CUEDC1: variants seen among roughly 807,000 people sequenced by gnomAD.
CUEDC1 encodes CUE domain-containing protein 1.
A neutral mutation model predicts 43.7 loss-of-function variants in CUEDC1; 30 were observed. The observed-to-expected ratio is 0.69, with a 90% CI of 0.51 to 0.93. The LOEUF (loss-of-function observed/expected upper bound fraction) is 0.93. Ranked by LOEUF, CUEDC1 falls within the 40% of genes least tolerant of loss-of-function variation. The pLI is 0.00. For missense variants in CUEDC1, 486 were observed against 549.0 expected (o/e 0.89, Z 1.15); for synonymous variants, 223 against 223.6 (o/e 1.00, Z 0.02).
intron 1 of CUEDC1, among the ~76,000 whole-genome samples, chr17:57,931,188 T>C (rs1300479475): frequency 6.6e-6 from 1 of 151,926 alleles, no homozygotes; most frequent in African/African-American, 2.4e-5. Context: ...ACTTGGGGGC[T>C]GAAGTGTGGG....
intron 1 of CUEDC1, among the ~76,000 whole-genome samples, chr17:57,906,801 G>A (rs1442812015): frequency 2.0e-5 from 3 of 151,792 alleles, no homozygotes; most frequent in South Asian, 2.1e-4. Context: ...GTGAAACCTC[G>A]TCTCTACTAA....
chr17:57,886,605 C>T (rs1290730247), intron 1 of CUEDC1, among the ~76,000 whole-genome samples: 1 of 152,192 alleles, frequency 6.6e-6, no homozygotes, highest in Non-Finnish European at 1.5e-5. Flanking sequence ...GTCCATTCCC[C>T]TGAGAAGCAC....
intron 1 of CUEDC1, among the ~76,000 whole-genome samples, chr17:57,896,484 TGG>T (rs370021887): frequency 6.5e-5 from 4 of 61,238 alleles, no homozygotes; most frequent in African/African-American, 1.5e-4. Context: ...TAGTGCATTA[TGG>T]GGTGTGTGTG....
chr17:57,886,671 C>A (rs1157820394), intron 1 of CUEDC1, among the ~76,000 whole-genome samples: 1 of 152,206 alleles, frequency 6.6e-6, no homozygotes, highest in Non-Finnish European at 1.5e-5. Flanking sequence ...ATTTTCCTTA[C>A]CCCAATGTCA....
rs763913002 is a variant in CUEDC1 at position 57,871,383 on chromosome 17, A to G, written c.785-14T>C. On this transcript the variant is annotated splice_polypyrimidine_tract_variant and intron_variant, in intron 5 of 10. Transcript: ENST00000577830. ...ATTTCAATCGATCTGGAAAAGGACC[A>G]CATTCACAGGTCAGGGAGGTTAGCT... The G allele has an allele frequency of 6.2e-7, 1 of 1,611,514 alleles. No homozygotes were observed. The highest frequency in any genetic ancestry group is 1.7e-5 in the Admixed American group (1 of 60,024).
intron 3 of CUEDC1, among the ~76,000 whole-genome samples, chr17:57,878,400 CT>C (rs1347702731): frequency 6.6e-6 from 1 of 152,168 alleles, no homozygotes; most frequent in Non-Finnish European, 1.5e-5. Context: ...GCTAGCTACA[CT>C]TGTATGATAA....
intron 1 of CUEDC1, among the ~76,000 whole-genome samples, chr17:57,898,002 G>A (rs757249988): frequency 7.9e-4 from 120 of 152,192 alleles, no homozygotes; most frequent in Non-Finnish European, 1.2e-3. Context: ...GACAGTGCGA[G>A]ACTAGGTCTA....
chr17:57,866,574 T>C, intron 9 of CUEDC1, 30 bp from the exon 10 acceptor site: 1 of 1,613,148 alleles, frequency 6.2e-7, no homozygotes, highest in Non-Finnish European at 8.5e-7. Context: ...TGCCTCATCC[T>C]CTACCCTGCA....
Position 57,885,750 on chromosome 17 carries a change from G to C in CUEDC1, c.-186C>G. On this transcript the variant is annotated 5_prime_UTR_variant, in exon 2 of 11. Coordinates refer to ENST00000577830, the MANE Select transcript of CUEDC1 (RefSeq NM_001271875.2). The stretch of plus-strand genomic sequence containing the variant: ...CCGGGTTAGGAGAGTACGGGCGCGG[G>C]GCCCCAGGCAGCCCTTGGAGAGCGG... 1 of 973,296 alleles carries C rather than the reference G, an allele frequency of 1.0e-6. No homozygotes were observed. The highest frequency in any genetic ancestry group is 1.7e-5 in the African/African-American group (1 of 58,124). 60.3% of individuals were successfully genotyped at this position (973,296 alleles called of 1,614,324 possible).
chr17:57,939,167 T>A (rs1293055697), intron 1 of CUEDC1, among the ~76,000 whole-genome samples: 1 of 151,532 alleles, frequency 6.6e-6, no homozygotes, highest in African/African-American at 2.4e-5. Context: ...GGCTTTCACC[T>A]TGTTGGCCAG....
chr17:57,862,211 T>G lies in CUEDC1; in HGVS notation c.*1078A>C, dbSNP rs1182930132. Reference sequence around the variant, plus strand: ...TGGGCAGCCTCCCTCCCCGTGGCAGTGGTCAGTGCCGTGTAAGCGTTCCTA... The same window carrying G: ...TGGGCAGCCTCCCTCCCCGTGGCAGGGGTCAGTGCCGTGTAAGCGTTCCTA... On this transcript the variant is annotated 3_prime_UTR_variant, in exon 11 of 11. Coordinates refer to ENST00000577830, the MANE Select transcript of CUEDC1 (RefSeq NM_001271875.2). 6.6e-6 allele frequency: 1 copy of G among 152,338 alleles called. No individual in the cohort carries two copies. Among genetic ancestry groups the G allele is most frequent in the African/African-American group, 2.4e-5 (1 of 41,454 alleles). The allele number at this position is 152,338 out of a possible 1,614,324, so 9.4% of individuals were successfully genotyped here. A position where few individuals can be genotyped will look rare whatever the true frequency, so the allele number is the denominator to read the frequency against.
chr17:57,942,939 A>G (rs1459387872), intron 1 of CUEDC1, among the ~76,000 whole-genome samples: 2 of 151,948 alleles, frequency 1.3e-5, no homozygotes, highest in African/African-American at 4.8e-5. Context: ...GAGGCAGGAG[A>G]ATGGCATGAA....
At chr17:57,919,890 C>A (rs1401032721) in intron 1 of CUEDC1, among the ~76,000 whole-genome samples, 1 of 152,190 alleles carries the variant, frequency 6.6e-6, no homozygotes, top group African/African-American at 2.4e-5. Flanking sequence ...AATAGCCAAC[C>A]AGCAAGCGTT....
intron 1 of CUEDC1, among the ~76,000 whole-genome samples, chr17:57,901,629 G>T (rs2074473118): frequency 6.6e-6 from 1 of 152,228 alleles, no homozygotes; most frequent in Non-Finnish European, 1.5e-5. Context: ...TACTCTGTCT[G>T]TCACAGGGAA....
At chr17:57,931,060 A>G (rs2074798969) in intron 1 of CUEDC1, among the ~76,000 whole-genome samples, 1 of 152,142 alleles carries the variant, frequency 6.6e-6, no homozygotes, top group African/African-American at 2.4e-5. Context: ...AAGCTGAGAC[A>G]GGCAGATTAC....
rs2074797624 is a variant in CUEDC1, at chr17:57,930,942, T to C, written c.-316+24283A>G. 6.6e-6 allele frequency among the ~76,000 whole-genome samples: 1 copy of C among 152,190 alleles called. No homozygotes were observed. On this transcript the variant is annotated intron_variant, in intron 1 of 10. Coordinates refer to ENST00000577830, the MANE Select transcript of CUEDC1 (RefSeq NM_001271875.2). This position sits in a 1 kb window ranked among gnomAD's most constrained non-coding sequence, Gnocchi z 4.2. ...GGACACTAAAGACCTTCTTCCTTAG[T>C]GCCAACCTCAGTCTCTCCTAGTTCC...
At chr17:57,865,813 TTTTC>T (rs1228178033) in intron 10 of CUEDC1, among the ~76,000 whole-genome samples, 1 of 135,924 alleles carries the variant, frequency 7.4e-6, no homozygotes, top group Middle Eastern at 3.5e-3. Flanking sequence ...CCACCTCAGT[TTTTC>T]TTTTTCTTTT....
At chr17:57,872,454 AGGGAGAAAG>A (rs1328807334) in intron 5 of CUEDC1, among the ~76,000 whole-genome samples, 200 bp downstream of exon 5, 1 of 152,204 alleles carries the variant, frequency 6.6e-6, no homozygotes, top group East Asian at 1.9e-4. Flanking sequence ...CTGAGTCCCG[AGGGAGAAAG>A]GGGTGGGCTA....
intron 1 of CUEDC1, among the ~76,000 whole-genome samples, chr17:57,941,783 T>C (rs1354561349): frequency 6.6e-6 from 1 of 152,152 alleles, no homozygotes; most frequent in Non-Finnish European, 1.5e-5. Context: ...CTAAACTAAA[T>C]TACATAAGTA....
Sources: allele counts gnomAD v4.1 joint callset (sites outside exome capture counted in the v4.1 genomes callset), GRCh38; gene constraint gnomAD v4.1.1; non-coding constraint Gnocchi (gnomAD v3.1); transcripts MANE v1.5; gene names NCBI Gene and HGNC (gene_info 2026-07-23, HGNC 2026-07-21).